ZNF717: variants seen among roughly 807,000 people sequenced by gnomAD.
ZNF717 encodes krueppel-like factor X17.
In ZNF717, 9 loss-of-function variants were observed where a neutral mutation model predicts 13.8. The observed-to-expected ratio is 0.65, with a 90% confidence interval of 0.39 to 1.14. ZNF717 has a LOEUF of 1.14. Among genes scored for constraint, ZNF717 ranks in the 50% most tolerant of loss-of-function variants. The pLI is 0.01. For missense variants in ZNF717, 1,040 were observed against 1,080.7 expected, an observed-to-expected ratio of 0.96 and a Z score of 0.53; for synonymous variants, 327 against 364.1, an observed-to-expected ratio of 0.90 and a Z score of 1.16.
intron 2 of ZNF717, among the ~76,000 whole-genome samples, chr3:75,780,103 G>GGAAC (rs1944693824): frequency 1.8e-4 from 16 of 90,544 alleles, no homozygotes; most frequent in African/African-American, 6.1e-4. Flanking sequence ...GACGTGCTAA[G>GGAAC]CCAGAAACCC....
chr3:75,697,315 T>C (rs1937614477), intron 6 of ZNF717, among the ~76,000 whole-genome samples: 1 of 152,306 alleles, frequency 6.6e-6, no homozygotes, highest in Admixed American at 6.5e-5. Context: ...TGAATATGTG[T>C]CCCCTCCCAA....
chr3:75,741,454 T>C, intron 3 of ZNF717, 86 bp from the exon 4 acceptor site: 1 of 1,368,984 alleles, frequency 7.3e-7, no homozygotes, highest in Non-Finnish European at 1.0e-6. Context: ...TCAGGGACTG[T>C]GCAATGAAGG....
At chr3:75,719,148 C>T (rs1268378199) in intron 4 of ZNF717, among the ~76,000 whole-genome samples, 10 of 151,956 alleles carry the variant, frequency 6.6e-5, no homozygotes, top group Non-Finnish European at 1.0e-4. Flanking sequence ...TACTAAAATA[C>T]ACCAGGTGTG....
In ZNF717 at chr3:75,736,857, A is replaced by G. The variant is rs79244583; in HGVS notation, c.*21T>C. Reference sequence around the variant, plus strand: ...CATGGAGAAATCTGTAATAGTAGCCAGAGAGGTGTAGGTTGTGTGTTCAAG... The same window carrying G: ...CATGGAGAAATCTGTAATAGTAGCCGGAGAGGTGTAGGTTGTGTGTTCAAG... On this transcript the variant is annotated 3_prime_UTR_variant, in exon 5 of 5. Coordinates refer to ENST00000652011, the MANE Select transcript of ZNF717 (RefSeq NM_001290208.3). 6.6e-7 allele frequency: 1 copy of G among 1,521,750 alleles called. No individual in the cohort carries two copies. Among genetic ancestry groups the G allele is most frequent in the Non-Finnish European group, 8.8e-7 (1 of 1,133,366 alleles). The allele number at this position is 1,521,750 out of a possible 1,614,324, so 94.3% of individuals were successfully genotyped here.
chr3:75,746,225 A>G (rs1463118485), intron 2 of ZNF717, among the ~76,000 whole-genome samples: 1,602 of 152,300 alleles, frequency 0.011, 35 homozygotes, highest in African/African-American at 0.036. Flanking sequence ...ATGGCTGCAT[A>G]GTATTCCATG....
At chr3:75,698,021 C>T (rs1195054252) in intron 6 of ZNF717, among the ~76,000 whole-genome samples, 1 of 152,308 alleles carries the variant, frequency 6.6e-6, no homozygotes, top group African/African-American at 2.4e-5. Flanking sequence ...CTGTCATGCC[C>T]TAGGGATATA....
At chr3:75,755,436 AT>A (rs1942388211) in intron 2 of ZNF717, among the ~76,000 whole-genome samples, 1 of 152,196 alleles carries the variant, frequency 6.6e-6, no homozygotes, top group South Asian at 2.1e-4. Flanking sequence ...GGAGGGAGGA[AT>A]TGTGGTACAA....
intron 4 of ZNF717, among the ~76,000 whole-genome samples, chr3:75,724,612 T>C (rs77831344): frequency 1.5e-5 from 2 of 134,246 alleles, no homozygotes; most frequent in Non-Finnish European, 3.3e-5. Flanking sequence ...GATCTAGATT[T>C]AATGAAAATT....
At position 75,738,074 on chromosome 3, in the gene ZNF717, G is replaced by A. The variant is rs370022573; in HGVS notation, c.1549C>T (p.Arg517Cys). The A allele has an allele frequency of 2.1e-5, 28 of 1,346,262 alleles. No homozygotes were observed. The highest frequency in any genetic ancestry group is 7.2e-5 in the South Asian group (5 of 69,198). 83.4% of individuals were successfully genotyped at this position (1,346,262 alleles called of 1,614,324 possible). Reference protein sequence around the residue: ...YECNECGKTFRCKSFLTVHQR... With the variant: ...YECNECGKTFCCKSFLTVHQR... Reference sequence around the variant, plus strand: ...TGGACAGTGAGGAATGACTTACAGCGAAAGGTTTTCCCACATTCATTGCAT... The same window carrying A: ...TGGACAGTGAGGAATGACTTACAGCAAAAGGTTTTCCCACATTCATTGCAT... Residue 517 changes from arginine (R) to cysteine (C), a missense_variant, in exon 5 of 5, where the codon CGC (arginine) becomes TGC (cysteine). Physicochemically the swap from Arg to Cys is radical, Grantham distance 180 (BLOSUM62 -3). Coordinates refer to ENST00000652011, the MANE Select transcript of ZNF717 (RefSeq NM_001290208.3).
Position 75,738,868 on chromosome 3 carries a change from A to G in ZNF717, c.755T>C (p.Ile252Thr), listed in dbSNP as rs1461482925. 34 of 1,551,452 alleles carry G rather than the reference A, an allele frequency of 2.2e-5. No individual in the cohort carries two copies. In the East Asian group the frequency reaches 3.9e-4, roughly 18 times the overall value. ...TCCTACCTGAGTTATCACTTGGACA[A>G]TAACAGCTGAGTTATTACAGGCTTT... ...YEKACNNSAVIVQVITQVGQP... is the reference protein window; with the variant it reads ...YEKACNNSAVTVQVITQVGQP... The change falls in exon 5 of 5, where the codon ATT (isoleucine) becomes ACT (threonine). Residue 252 changes from isoleucine (I) to threonine (T), a missense_variant. Transcript: ENST00000652011.
intron 2 of ZNF717, among the ~76,000 whole-genome samples, chr3:75,773,327 A>G (rs1233262870): frequency 6.6e-6 from 1 of 152,242 alleles, no homozygotes; most frequent in Non-Finnish European, 1.5e-5. Flanking sequence ...CCTGGGAAGC[A>G]GCAAAGTCTT....
downstream of ZNF717, among the ~76,000 whole-genome samples, chr3:75,704,871 T>G (rs1401513385): frequency 2.6e-4 from 40 of 151,186 alleles, no homozygotes; most frequent in African/African-American, 9.2e-4. Context: ...AAAAGAGAGA[T>G]GTCTTGGAAC....
chr3:75,720,130 C>T (rs79412620), intron 4 of ZNF717, among the ~76,000 whole-genome samples: 2 of 151,952 alleles, frequency 1.3e-5, no homozygotes, highest in Non-Finnish European at 2.9e-5. Context: ...TGAGACCCAG[C>T]AATCCCATTA....
chr3:75,752,361 T>C (rs62268065), intron 2 of ZNF717, among the ~76,000 whole-genome samples: 78 of 150,278 alleles, frequency 5.2e-4, no homozygotes, highest in African/African-American at 1.7e-3. Context: ...GTCTGAATGT[T>C]TGTCCCTCAC....
chr3:75,712,270 G>A (rs1292530954), intron 5 of ZNF717, among the ~76,000 whole-genome samples: 1 of 152,234 alleles, frequency 6.6e-6, no homozygotes, highest in Non-Finnish European at 1.5e-5. Flanking sequence ...CTGTAGTTTA[G>A]AAGATGGCTG....
At position 75,736,879 on chromosome 3, in the gene ZNF717, C is replaced by T; in HGVS notation, c.2744G>A (p.Ter915=). The stretch of plus-strand genomic sequence containing the variant: ...GCCAGAGAGGTGTAGGTTGTGTGTT[C>T]AAGGGAAAAAAGAGTGATTTTGAGG... The part of the protein sequence containing the change: ...VFPQNHSFFP[*] Residue 915 remains the stop codon, a stop_retained_variant, in exon 5 of 5, where the codon TGA becomes TAA. Coordinates refer to ENST00000652011, the MANE Select transcript of ZNF717 (RefSeq NM_001290208.3). 7 of 1,543,554 alleles carry T rather than the reference C, an allele frequency of 4.5e-6. No homozygotes were observed. Among genetic ancestry groups the T allele is most frequent in the Non-Finnish European group, 6.1e-6 (7 of 1,143,352 alleles).
downstream of ZNF717, among the ~76,000 whole-genome samples, chr3:75,734,686 C>T (rs113083582): frequency 1.5e-4 from 23 of 151,506 alleles, no homozygotes; most frequent in Admixed American, 1.4e-3. Flanking sequence ...CTGCCCACCT[C>T]GGCCTCCCAA....
At chr3:75,735,567 C>T (rs1302036617), downstream of ZNF717, among the ~76,000 whole-genome samples, 1 of 149,828 alleles carries the variant, frequency 6.7e-6, no homozygotes, top group Non-Finnish European at 1.5e-5. Flanking sequence ...ATCACTTGAA[C>T]CCATGAGGTT....
intron 4 of ZNF717, among the ~76,000 whole-genome samples, chr3:75,719,970 AAATAAT>A (rs200443242): frequency 6.8e-4 from 100 of 146,188 alleles, no homozygotes; most frequent in African/African-American, 2.1e-3. Flanking sequence ...AAATAATAAT[AAATAAT>A]AATAATAATA....
Sources: allele counts gnomAD v4.1 joint callset (sites outside exome capture counted in the v4.1 genomes callset), GRCh38; gene constraint gnomAD v4.1.1; transcripts MANE v1.5; gene names NCBI Gene and HGNC (gene_info 2026-07-23, HGNC 2026-07-21).